The following NFIB variants were observed in gnomAD, a reference collection of about 807,000 sequenced individuals.
NFIB encodes the protein nuclear factor I B.
NFIB carries 11 observed loss-of-function variants against 61.5 expected under a neutral mutation model. The observed-to-expected ratio is 0.18, with a 90% confidence interval of 0.11 to 0.30. The LOEUF (loss-of-function observed/expected upper bound fraction) is 0.30. Ranked by LOEUF, NFIB falls within the 10% of genes least tolerant of loss-of-function variation. NFIB has a pLI of 1.00. For synonymous variants in NFIB, 260 were observed against 216.5 expected, an observed-to-expected ratio of 1.20 and a Z score of -1.76; for missense variants, 471 against 608.9, an observed-to-expected ratio of 0.77 and a Z score of 2.38.
chr9:14,440,585 T>G, the NFIB span, among the ~76,000 whole-genome samples: 1 of 152,216 alleles, frequency 6.6e-6, no homozygotes, highest in Admixed American at 6.5e-5. Flanking sequence ...AGCACATCAC[T>G]GATCAGAAAG....
chr9:14,241,204 G>A (rs1338060636), intron 2 of NFIB, among the ~76,000 whole-genome samples: 1 of 152,146 alleles, frequency 6.6e-6, no homozygotes, highest in Non-Finnish European at 1.5e-5. Flanking sequence ...CTCAAAAACT[G>A]CCTCAATAGT....
At chr9:14,258,610 A>T (rs1156364056) in intron 2 of NFIB, among the ~76,000 whole-genome samples, 1 of 152,234 alleles carries the variant, frequency 6.6e-6, no homozygotes, top group Non-Finnish European at 1.5e-5. Flanking sequence ...GCCATTCCAA[A>T]TAAGATTTTG....
chr9:14,252,623 A>C (rs1244075553), intron 2 of NFIB, among the ~76,000 whole-genome samples: 3 of 151,814 alleles, frequency 2.0e-5, no homozygotes, highest in African/African-American at 7.3e-5. Flanking sequence ...AAAAGACAAT[A>C]CATGTTTCAG....
chr9:14,514,205 C>T, the NFIB span, among the ~76,000 whole-genome samples: 3 of 152,078 alleles, frequency 2.0e-5, no homozygotes, highest in Admixed American at 6.5e-5. Context: ...TATAGGAATG[C>T]AAGGATCTGA....
the NFIB span, among the ~76,000 whole-genome samples, chr9:14,434,966 G>T: frequency 1.3e-5 from 2 of 152,284 alleles, no homozygotes; most frequent in East Asian, 3.9e-4. Context: ...CAGCTCTAAG[G>T]CTTCTAGAAG....
At chr9:14,387,564 T>C (rs2061563432) in intron 1 of NFIB, among the ~76,000 whole-genome samples, 1 of 152,000 alleles carries the variant, frequency 6.6e-6, no homozygotes, top group South Asian at 2.1e-4. Context: ...AGGATAGAAA[T>C]TGAGGATTCA....
At chr9:14,104,920 G>C (rs1042055485) in intron 10 of NFIB, among the ~76,000 whole-genome samples, 4 of 152,104 alleles carry the variant, frequency 2.6e-5, no homozygotes, top group Admixed American at 1.3e-4. Flanking sequence ...TCTCAGCTTA[G>C]GTTGGAGAAG....
intron 2 of NFIB, among the ~76,000 whole-genome samples, chr9:14,301,064 C>T (rs1485085195): frequency 2.0e-5 from 3 of 152,260 alleles, no homozygotes; most frequent in African/African-American, 4.8e-5. Context: ...AAATCTATTA[C>T]GAATCTTCAT....
In NFIB at chr9:14,307,289, A is replaced by G. The variant is rs1202975317; in HGVS notation, c.262T>C (p.Tyr88His). Residue 88 changes from tyrosine (Y) to histidine (H), a missense_variant, in exon 2 of 11, where the codon TAT becomes CAT. By Grantham distance (83) the Tyr-to-His change is moderately conservative (BLOSUM62 2). Transcript: ENST00000380953. This position sits in a 1 kb window ranked among gnomAD's most constrained non-coding sequence, Gnocchi z 5.3. ...AKLRKDIRQE[Y>H]REDFVLTVTG... ...ACGGTGAGCACAAAGTCCTCTCGAT[A>G]CTCCTGGCGAATATCTTTGCGCAGT... 1 of 1,613,680 alleles carries G rather than the reference A, an allele frequency of 6.2e-7. No homozygotes were observed.
chr9:14,529,150 C>T, the NFIB span, among the ~76,000 whole-genome samples: 15 of 152,070 alleles, frequency 9.9e-5, no homozygotes, highest in Non-Finnish European at 2.9e-5. Flanking sequence ...AATGTTTTTC[C>T]TCCCTCTGTT....
chr9:14,395,257 G>A (rs1220927085), intron 1 of NFIB, among the ~76,000 whole-genome samples: 2 of 145,146 alleles, frequency 1.4e-5, no homozygotes, highest in African/African-American at 5.1e-5. Flanking sequence ...GTGATTTTTA[G>A]AACTCAGGTT....
the NFIB span, among the ~76,000 whole-genome samples, chr9:14,495,127 T>C: frequency 1.7e-3 from 260 of 152,340 alleles, 3 homozygotes; most frequent in African/African-American, 5.7e-3. Context: ...TGTTCCTTTC[T>C]CTATTCACAG....
chr9:14,456,848 T>A, the NFIB span, among the ~76,000 whole-genome samples: 3 of 152,178 alleles, frequency 2.0e-5, no homozygotes, highest in African/African-American at 7.2e-5. Context: ...TTTATCCTAT[T>A]GATGCACCTG....
chr9:14,358,563 C>A (rs1292991466), intron 1 of NFIB, among the ~76,000 whole-genome samples: 1 of 152,136 alleles, frequency 6.6e-6, no homozygotes, highest in African/African-American at 2.4e-5. Flanking sequence ...GAAACAATGA[C>A]ACTGAGGACT....
At chr9:14,457,335 T>C in the NFIB span, among the ~76,000 whole-genome samples, 52,973 of 151,996 alleles carry the variant, frequency 0.35, 10,022 homozygotes, top group Admixed American at 0.48. Context: ...AAAATGATAG[T>C]TTAGTTTGAA....
At chr9:14,138,711 T>C (rs966645948) in intron 6 of NFIB, among the ~76,000 whole-genome samples, 1 of 152,130 alleles carries the variant, frequency 6.6e-6, no homozygotes, top group Non-Finnish European at 1.5e-5. Context: ...GACAGTACAG[T>C]GAGGTTCACT....
At chr9:14,340,474 G>C (rs2060937093) in intron 1 of NFIB, among the ~76,000 whole-genome samples, 1 of 152,228 alleles carries the variant, frequency 6.6e-6, no homozygotes, top group African/African-American at 2.4e-5. Flanking sequence ...CCAGGCACTG[G>C]TAACTTTTTA....
intron 2 of NFIB, among the ~76,000 whole-genome samples, chr9:14,217,950 T>C (rs1469647993): frequency 6.6e-6 from 1 of 152,194 alleles, no homozygotes; most frequent in Non-Finnish European, 1.5e-5. Context: ...TGGGCAGTGG[T>C]AGAGCACAAA....
At chr9:14,486,512 A>G in the NFIB span, among the ~76,000 whole-genome samples, 1 of 152,218 alleles carries the variant, frequency 6.6e-6, no homozygotes, top group South Asian at 2.1e-4. Context: ...TGCAAACGGA[A>G]GTACCTGACA....
Sources: gnomAD v4.1 joint callset for allele counts (sites outside exome capture counted in the v4.1 genomes callset) on GRCh38, gnomAD v4.1.1 for gene constraint, Gnocchi (gnomAD v3.1) non-coding constraint, MANE v1.5 for transcripts, NCBI Gene and HGNC (gene_info 2026-07-23, HGNC 2026-07-21) for gene names.